The following RELN variants were observed in gnomAD, a reference collection of about 807,000 sequenced individuals.
RELN encodes the protein reelin.
In RELN, 108 loss-of-function variants were observed where a neutral mutation model predicts 427.6. The observed-to-expected ratio is 0.25, with a 90% confidence interval of 0.22 to 0.30. RELN has a LOEUF of 0.30. Among genes scored for constraint, RELN ranks in the 10% least tolerant of loss-of-function variants. The pLI, the probability that RELN is intolerant of heterozygous loss-of-function variation, is 1.00. For missense variants in RELN, 3,715 were observed against 4,302.8 expected, an observed-to-expected ratio of 0.86 and a Z score of 3.82; for synonymous variants, 1,524 against 1,513.4, an observed-to-expected ratio of 1.01 and a Z score of -0.16.
At chr7:103,636,607 T>C in intron 17 of RELN, 139 bp from the exon 18 acceptor site, 1 of 711,280 alleles carries the variant, frequency 1.4e-6, no homozygotes, top group South Asian at 1.5e-5. Context: ...TGGAGACTAC[T>C]GAATCTAAAG....
Position 103,850,606 on chromosome 7 carries a change from C to T in RELN, c.338-16934G>A, listed in dbSNP as rs181376208. Among the ~76,000 whole-genome samples the T allele has an allele frequency of 4.6e-5, 7 of 152,282 alleles. No individual in the cohort carries two copies. The East Asian group carries it at 1.2e-3, about 25-fold the overall frequency. On this transcript the variant is annotated intron_variant, in intron 2 of 64. Transcript: ENST00000428762. ...GGGGCGAGAAGCCTCCTGGCCAGAACTCAGGGGAGGGCACAAATCAGGCAT... is the reference window on the plus strand; with the variant it reads ...GGGGCGAGAAGCCTCCTGGCCAGAATTCAGGGGAGGGCACAAATCAGGCAT...
At position 103,594,515 on chromosome 7, in the gene RELN, C is replaced by T. The variant is rs367820107; in HGVS notation, c.3540-23G>A. The T allele has an allele frequency of 7.4e-4, 1,185 of 1,607,536 alleles. 4 individuals are homozygous for T. Among genetic ancestry groups the T allele is most frequent in the Middle Eastern group, 5.0e-4 (3 of 6,010 alleles). ...AATCTGAATAAAAGTAAATCATTTA[C>T]GGTTGGGAAAACAAAAGCTGTGCTT... On this transcript the variant is annotated intron_variant, in intron 25 of 64. Transcript: ENST00000428762.
At chr7:103,751,848 C>A (rs1459555824) in intron 5 of RELN, among the ~76,000 whole-genome samples, 2 of 152,192 alleles carry the variant, frequency 1.3e-5, no homozygotes, top group East Asian at 1.9e-4. Context: ...GCCCAAGAGA[C>A]AAATAACTGA....
chr7:103,783,606 A>G (rs1041525097), intron 3 of RELN, among the ~76,000 whole-genome samples: 2 of 152,216 alleles, frequency 1.3e-5, no homozygotes, highest in Non-Finnish European at 2.9e-5. Flanking sequence ...TTCATTATCC[A>G]GTAATCACAA....
intron 57 of RELN, among the ~76,000 whole-genome samples, chr7:103,495,281 A>G (rs1018755202): frequency 2.7e-5 from 4 of 147,932 alleles, no homozygotes; most frequent in Non-Finnish European, 5.9e-5. Context: ...TCAGCCTCCC[A>G]AGTAGCTGGG....
chr7:103,656,492 C>T (rs1833025445), intron 12 of RELN, among the ~76,000 whole-genome samples: 1 of 151,970 alleles, frequency 6.6e-6, no homozygotes. Context: ...CATTCTCACC[C>T]CATTGGTGTG....
chr7:103,537,791 C>T (rs1457138712), intron 45 of RELN, among the ~76,000 whole-genome samples: 1 of 152,188 alleles, frequency 6.6e-6, no homozygotes, highest in African/African-American at 2.4e-5. Context: ...ACGTCAGCTT[C>T]TTTGCTTCTG....
At chr7:103,732,038 A>C (rs1790367837) in intron 6 of RELN, among the ~76,000 whole-genome samples, 1 of 152,132 alleles carries the variant, frequency 6.6e-6, no homozygotes. Context: ...AGTGCCTACC[A>C]TGTTGGACAA....
chr7:103,564,892 C>T (rs1365524283), intron 34 of RELN, among the ~76,000 whole-genome samples: 1 of 152,006 alleles, frequency 6.6e-6, no homozygotes, highest in Non-Finnish European at 1.5e-5. Flanking sequence ...AGGAACCAAC[C>T]TTTTGTTCAT....
intron 4 of RELN, among the ~76,000 whole-genome samples, chr7:103,773,651 G>T (rs1791664108): frequency 6.6e-6 from 1 of 151,840 alleles, no homozygotes; most frequent in African/African-American, 2.4e-5. Context: ...TGTATTTTTG[G>T]TAGAGACAGG....
rs113668633 is a variant in RELN, at chr7:103,838,749, A to G, written c.338-5077T>C. The stretch of plus-strand genomic sequence containing the variant: ...AAGGTTTCAGCGTTATAGAGCCTTA[A>G]TAACAGGAATCATGGTCAAATGCCT... On this transcript the variant is annotated intron_variant, in intron 2 of 64. Transcript: ENST00000428762. Among the ~76,000 whole-genome samples the G allele has an allele frequency of 8.4e-3, 1,283 of 152,368 alleles. 15 individuals are homozygous for G. Among genetic ancestry groups the G allele is most frequent in the African/African-American group, 0.029 (1,192 of 41,588 alleles).
At chr7:103,947,065 G>A (rs975586816) in intron 1 of RELN, among the ~76,000 whole-genome samples, 1 of 152,120 alleles carries the variant, frequency 6.6e-6, no homozygotes, top group South Asian at 2.1e-4. Flanking sequence ...CCCATTCCGA[G>A]TCCTCTCAGC....
In RELN at chr7:103,757,888, T is replaced by C. The variant is rs554486467; in HGVS notation, c.545-4674A>G. Among the ~76,000 whole-genome samples, 316 of 152,312 alleles carry C rather than the reference T, an allele frequency of 2.1e-3. 1 individual carries two copies. Among genetic ancestry groups the C allele is most frequent in the African/African-American group, 7.3e-3 (305 of 41,568 alleles). ...GTTTCATTGGTGAGACCCATGAAAC[T>C]GTACATAGAGGCTGGAAGTAACTTA... On this transcript the variant is annotated intron_variant, in intron 4 of 64. Coordinates refer to ENST00000428762, the MANE Select transcript of RELN (RefSeq NM_005045.4).
chr7:103,650,339 C>T lies in RELN; in HGVS notation c.1937G>A (p.Arg646Gln), dbSNP rs377185504. 11 of 1,612,910 alleles carry T rather than the reference C, an allele frequency of 6.8e-6. No homozygotes were observed. Among genetic ancestry groups the T allele is most frequent in the South Asian group, 3.3e-5 (3 of 91,074 alleles). The stretch of plus-strand genomic sequence containing the variant: ...TTGTCTCCAGCGAATCCTGGTGTTC[C>T]GGGTTAGTGCTGCGTTAGGAAGGGG... ...TIPLPNAALT[R>Q]NTRIRWRQTG... Residue 646 changes from arginine (R) to glutamine (Q), a missense_variant, in exon 16 of 65, where the codon CGG (arginine) becomes CAG (glutamine). This residue lies in a region of RELN where 2,208 missense variants were observed against 2,361.7 expected (regional missense o/e 0.93). Transcript: ENST00000428762.
intron 31 of RELN, among the ~76,000 whole-genome samples, chr7:103,571,261 C>T (rs1055406730): frequency 2.6e-5 from 4 of 152,102 alleles, no homozygotes; most frequent in Non-Finnish European, 4.4e-5. Flanking sequence ...GCTGAGACCA[C>T]GGTTTGGAGG....
In RELN at chr7:103,882,348, T is replaced by C. The variant is rs78462997; in HGVS notation, c.337+34727A>G. Among the ~76,000 whole-genome samples, 603 of 152,314 alleles carry C rather than the reference T, an allele frequency of 4.0e-3. 22 individuals carry two copies. In the East Asian group the frequency reaches 0.072, roughly 18 times the overall value. ...AGGGCCTATTTGATCATTCTGGCTA[T>C]ATTACTATGACTCTTCATTCTCTAA... On this transcript the variant is annotated intron_variant, in intron 2 of 64. Coordinates refer to ENST00000428762, the MANE Select transcript of RELN (RefSeq NM_005045.4).
chr7:103,697,773 T>A, intron 10 of RELN, 80 bp downstream of exon 10: 3 of 1,598,844 alleles, frequency 1.9e-6, no homozygotes, highest in Non-Finnish European at 2.6e-6. Flanking sequence ...GCTATCTTTA[T>A]ACAATTTGGT....
Position 103,785,942 on chromosome 7 carries a change from A to AT in RELN, c.474-9316dup, listed in dbSNP as rs567498092. Among the ~76,000 whole-genome samples the AT allele has an allele frequency of 3.8e-3, 555 of 147,300 alleles. 2 individuals carry two copies. Among genetic ancestry groups the AT allele is most frequent in the African/African-American group, 6.0e-3 (245 of 40,540 alleles). ...AAAAAAAGGGAAGACTGTAAACTCC[A>AT]TTTTTTTTTTTGACTGTGATGAAGT... On this transcript the variant is annotated intron_variant, in intron 3 of 64. Transcript: ENST00000428762.
Position 103,989,008 on chromosome 7 carries a change from C to A in RELN, c.226+123G>T. 1.2e-6 allele frequency: 1 copy of A among 855,216 alleles called. No homozygotes were observed. The highest frequency in any genetic ancestry group is 1.9e-6 in the Non-Finnish European group (1 of 518,744). The allele number at this position is 855,216 out of a possible 1,614,324, so 53.0% of individuals were successfully genotyped here. On this transcript the variant is annotated intron_variant, in intron 1 of 64. Coordinates refer to ENST00000428762, the MANE Select transcript of RELN (RefSeq NM_005045.4). The surrounding 1 kb of genome is among the most constrained non-coding windows in gnomAD (Gnocchi z 4.9). ...TTCTCGCTCCCTGGACCAAGCGCATCGCTGGGGCCAGGGTTGTCATGGTTC... is the reference window on the plus strand; with the variant it reads ...TTCTCGCTCCCTGGACCAAGCGCATAGCTGGGGCCAGGGTTGTCATGGTTC...
Sources: allele counts gnomAD v4.1 joint callset (sites outside exome capture counted in the v4.1 genomes callset), GRCh38; gene constraint gnomAD v4.1.1; regional missense constraint gnomAD v4.1.1; non-coding constraint Gnocchi (gnomAD v3.1); transcripts MANE v1.5; gene names NCBI Gene and HGNC (gene_info 2026-07-23, HGNC 2026-07-21).